Variants in SKIC2 observed in about 807,000 individuals in gnomAD.
The protein encoded by SKIC2 is superkiller complex protein 2.
chr6:31,962,353 A>G, the SKIC2 span: 1 of 1,435,204 alleles, frequency 7.0e-7, no homozygotes, highest in Non-Finnish European at 9.8e-7. The surrounding 1 kb of genome is among the most constrained non-coding windows in gnomAD (Gnocchi z 5.0). Context: ...CTTCTGGGGC[A>G]TGCTTCCACG....
chr6:31,966,687 G>A, the SKIC2 span: 1 of 1,613,716 alleles, frequency 6.2e-7, no homozygotes, highest in East Asian at 2.2e-5. This position sits in a 1 kb window ranked among gnomAD's most constrained non-coding sequence, Gnocchi z 5.9. Context: ...TGATCTCAGT[G>A]ACTTCTGTGA....
chr6:31,963,415 G>T, the SKIC2 span: 1 of 1,558,626 alleles, frequency 6.4e-7, no homozygotes, highest in Non-Finnish European at 8.7e-7. This position sits in a 1 kb window ranked among gnomAD's most constrained non-coding sequence, Gnocchi z 5.3. Context: ...TTCTTCAGGC[G>T]GCTGAAGCGT....
chr6:31,969,221 T>C, the SKIC2 span: 4 of 1,596,682 alleles, frequency 2.5e-6, no homozygotes, highest in South Asian at 4.4e-5. This position sits in a 1 kb window ranked among gnomAD's most constrained non-coding sequence, Gnocchi z 6.1. Context: ...CTTCTTGATC[T>C]GGTCCTTCCC....
At chr6:31,962,876 T>A in the SKIC2 span, 1 of 1,325,586 alleles carries the variant, frequency 7.5e-7, no homozygotes, top group South Asian at 1.2e-5. This position sits in a 1 kb window ranked among gnomAD's most constrained non-coding sequence, Gnocchi z 5.0. Context: ...TTCCACACAC[T>A]CAGGGCCCCT....
At chr6:31,962,247 G>A in the SKIC2 span, among the ~76,000 whole-genome samples, 7 of 152,132 alleles carry the variant, frequency 4.6e-5, no homozygotes, top group African/African-American at 1.7e-4. This position sits in a 1 kb window ranked among gnomAD's most constrained non-coding sequence, Gnocchi z 5.0. Context: ...AATGACCTGG[G>A]TTAGTTTAGG....
chr6:31,961,623 C>T, the SKIC2 span: 2 of 1,613,058 alleles, frequency 1.2e-6, no homozygotes, highest in Non-Finnish European at 1.7e-6. Context: ...CCTGTGGACG[C>T]CACCTCCCCT....
the SKIC2 span, chr6:31,967,692 C>T: frequency 6.2e-7 from 1 of 1,612,194 alleles, no homozygotes; most frequent in Non-Finnish European, 8.5e-7. The surrounding 1 kb of genome is among the most constrained non-coding windows in gnomAD (Gnocchi z 4.9). Context: ...CCCCCCTCTC[C>T]TGGCCTCTCT....
the SKIC2 span, chr6:31,969,005 TGAG>T: frequency 6.2e-7 from 1 of 1,612,740 alleles, no homozygotes. This position sits in a 1 kb window ranked among gnomAD's most constrained non-coding sequence, Gnocchi z 6.1. Flanking sequence ...CCCTGCGGCC[TGAG>T]GAGATTGCTG....
chr6:31,961,681 T>G, the SKIC2 span: 25 of 1,610,952 alleles, frequency 1.6e-5, no homozygotes, highest in Admixed American at 2.0e-4. Flanking sequence ...TCCAGGTACT[T>G]TGGCCCCATC....
At chr6:31,967,368 G>A in the SKIC2 span, 6,291 of 1,610,566 alleles carry the variant, frequency 3.9e-3, 29 homozygotes, top group Middle Eastern at 9.2e-3. The surrounding 1 kb of genome is among the most constrained non-coding windows in gnomAD (Gnocchi z 4.9). Flanking sequence ...CATTGGGAGT[G>A]ATCCTACAGG....
the SKIC2 span, chr6:31,966,599 T>G: frequency 8.7e-7 from 1 of 1,147,138 alleles, no homozygotes; most frequent in South Asian, 1.4e-5. This position sits in a 1 kb window ranked among gnomAD's most constrained non-coding sequence, Gnocchi z 5.9. Context: ...CAAGGCCCCA[T>G]GGTTGCAGAG....
the SKIC2 span, chr6:31,967,002 A>C: frequency 9.3e-6 from 15 of 1,612,934 alleles, no homozygotes; most frequent in East Asian, 3.3e-4. The surrounding 1 kb of genome is among the most constrained non-coding windows in gnomAD (Gnocchi z 4.9). Flanking sequence ...CTCCCACCCA[A>C]GGCCCATGAA....
At chr6:31,961,529 T>A in the SKIC2 span, 1 of 1,583,340 alleles carries the variant, frequency 6.3e-7, no homozygotes, top group Non-Finnish European at 8.6e-7. Flanking sequence ...TTATCACTGC[T>A]ACCCCTGACT....
chr6:31,961,079 G>T, the SKIC2 span: 3 of 1,613,384 alleles, frequency 1.9e-6, no homozygotes, highest in Non-Finnish European at 2.5e-6. Flanking sequence ...GAAAGGCATG[G>T]ACTTTGCACC....
At chr6:31,959,444 A>T in the SKIC2 span, 1 of 1,318,784 alleles carries the variant, frequency 7.6e-7, no homozygotes. Flanking sequence ...ATTGAGTCCA[A>T]ACCTCCTTCA....
At chr6:31,967,723 G>A in the SKIC2 span, 3 of 1,612,714 alleles carry the variant, frequency 1.9e-6, no homozygotes, top group Non-Finnish European at 2.5e-6. This position sits in a 1 kb window ranked among gnomAD's most constrained non-coding sequence, Gnocchi z 4.9. Context: ...AGGTCTCCTC[G>A]AACTCCACCA....
chr6:31,964,475 C>T, the SKIC2 span: 1 of 681,438 alleles, frequency 1.5e-6, no homozygotes, highest in Non-Finnish European at 2.6e-6. This position sits in a 1 kb window ranked among gnomAD's most constrained non-coding sequence, Gnocchi z 5.0. Flanking sequence ...TTCAGACTAC[C>T]TGGGTTTGAA....
chr6:31,963,609 A>G, the SKIC2 span: 37 of 1,530,088 alleles, frequency 2.4e-5, no homozygotes, highest in Non-Finnish European at 3.2e-5. This position sits in a 1 kb window ranked among gnomAD's most constrained non-coding sequence, Gnocchi z 5.3. Context: ...CCAGCTGGAC[A>G]TTGTGGCTAC....
chr6:31,962,123 C>T, the SKIC2 span: 1 of 1,503,098 alleles, frequency 6.7e-7, no homozygotes, highest in Non-Finnish European at 9.2e-7. This position sits in a 1 kb window ranked among gnomAD's most constrained non-coding sequence, Gnocchi z 5.0. Context: ...CTTTGAAAAT[C>T]TCATCTCTTC....
Sources: allele counts gnomAD v4.1 joint callset (sites outside exome capture counted in the v4.1 genomes callset), GRCh38; gene constraint gnomAD v4.1.1; non-coding constraint Gnocchi (gnomAD v3.1); transcripts MANE v1.5; gene names NCBI Gene and HGNC (gene_info 2026-07-23, HGNC 2026-07-21).